The following ADCY2 variants were observed in gnomAD, a reference collection of about 807,000 sequenced individuals.
The protein encoded by ADCY2 is adenylate cyclase 2, also known as adenylate cyclase type 2.
A neutral mutation model predicts 125.2 loss-of-function variants in ADCY2; 31 were observed. That is an observed-to-expected ratio of 0.25 (90% CI 0.19 to 0.33). The LOEUF (loss-of-function observed/expected upper bound fraction) is 0.33. Among genes scored for constraint, ADCY2 ranks in the 10% least tolerant of loss-of-function variants. The pLI, the probability that ADCY2 is intolerant of heterozygous loss-of-function variation, is 1.00. For synonymous variants in ADCY2, 512 were observed against 548.4 expected (o/e 0.93, Z 0.93); for missense variants, 904 against 1,418.2 (o/e 0.64, Z 5.82).
At chr5:7,743,408 A>T (rs1375786697) in intron 14 of ADCY2, among the ~76,000 whole-genome samples, 2 of 151,520 alleles carry the variant, frequency 1.3e-5, no homozygotes, top group African/African-American at 4.9e-5. Flanking sequence ...ATTTAAAAAG[A>T]TTCTTTATCC....
chr5:7,442,929 G>A (rs1741068265), intron 2 of ADCY2, among the ~76,000 whole-genome samples: 2 of 152,096 alleles, frequency 1.3e-5, no homozygotes, highest in Admixed American at 1.3e-4. Flanking sequence ...ATGTTCTTAT[G>A]TAGTTGATGT....
chr5:7,462,640 T>G (rs771603515), intron 2 of ADCY2, among the ~76,000 whole-genome samples: 1 of 152,248 alleles, frequency 6.6e-6, no homozygotes, highest in Non-Finnish European at 1.5e-5. Context: ...CCTAAAGATT[T>G]GGAACTACCT....
In ADCY2 at chr5:7,802,387, G is replaced by C; in HGVS notation, c.2775+23G>C. On this transcript the variant is annotated intron_variant, in intron 21 of 24. Transcript: ENST00000338316. This position sits in a 1 kb window ranked among gnomAD's most constrained non-coding sequence, Gnocchi z 4.6. Reference sequence around the variant, plus strand: ...GATGTAGGTACTGAGAGTTGCCCTCGAAGGGCAGCAGTACACTCAGTCTCA... The same window carrying C: ...GATGTAGGTACTGAGAGTTGCCCTCCAAGGGCAGCAGTACACTCAGTCTCA... 2 of 1,611,414 alleles carry C rather than the reference G, an allele frequency of 1.2e-6. No individual in the cohort carries two copies. Among genetic ancestry groups the C allele is most frequent in the Non-Finnish European group, 1.7e-6 (2 of 1,178,398 alleles).
At chr5:7,712,771 G>A in intron 10 of ADCY2, 85 bp from the exon 11 acceptor site, 1 of 940,328 alleles carries the variant, frequency 1.1e-6, no homozygotes, top group Non-Finnish European at 1.7e-6. Context: ...CATGATAAAA[G>A]AGGAAATATG....
chr5:7,743,222 G>A (rs1742493470), intron 14 of ADCY2, among the ~76,000 whole-genome samples: 1 of 151,714 alleles, frequency 6.6e-6, no homozygotes, highest in African/African-American at 2.4e-5. Context: ...GGAGGGTGAG[G>A]ACTCAATGTC....
At chr5:7,643,210 A>G (rs1738772392) in intron 4 of ADCY2, among the ~76,000 whole-genome samples, 1 of 152,014 alleles carries the variant, frequency 6.6e-6, no homozygotes, top group Non-Finnish European at 1.5e-5. Context: ...TTTCTAAATA[A>G]TTTAAATGTC....
At chr5:7,454,343 G>A (rs966728213) in intron 2 of ADCY2, among the ~76,000 whole-genome samples, 1 of 152,148 alleles carries the variant, frequency 6.6e-6, no homozygotes, top group Admixed American at 6.5e-5. Flanking sequence ...TATATGCACT[G>A]GGAAACTAAA....
chr5:7,460,728 G>A (rs979910623), intron 2 of ADCY2, among the ~76,000 whole-genome samples: 1 of 152,154 alleles, frequency 6.6e-6, no homozygotes, highest in Admixed American at 6.5e-5. Flanking sequence ...GTGTCCACGA[G>A]TATGTATTTC....
chr5:7,750,650 AT>A (rs917727619), intron 15 of ADCY2, among the ~76,000 whole-genome samples: 1 of 151,536 alleles, frequency 6.6e-6, no homozygotes, highest in Admixed American at 6.6e-5. Flanking sequence ...ATTATTTATA[AT>A]TTTTTCTAAC....
At chr5:7,776,605 G>C (rs1308808140) in intron 18 of ADCY2, among the ~76,000 whole-genome samples, 3 of 152,130 alleles carry the variant, frequency 2.0e-5, no homozygotes, top group African/African-American at 7.2e-5. Flanking sequence ...TAGGTAGCTG[G>C]TAAAGTATTG....
chr5:7,668,324 G>A (rs1739825220), intron 4 of ADCY2, among the ~76,000 whole-genome samples: 1 of 152,190 alleles, frequency 6.6e-6, no homozygotes, highest in South Asian at 2.1e-4. Context: ...AAGGAAGAAG[G>A]AATTCTGCCT....
intron 15 of ADCY2, among the ~76,000 whole-genome samples, chr5:7,750,708 G>A (rs1335592253): frequency 2.6e-5 from 4 of 151,280 alleles, no homozygotes. Flanking sequence ...GTGGGAATGA[G>A]ATTAACTCTC....
intron 2 of ADCY2, among the ~76,000 whole-genome samples, chr5:7,492,570 C>T (rs141189145): frequency 3.3e-5 from 5 of 152,220 alleles, no homozygotes; most frequent in African/African-American, 1.2e-4. Context: ...ATTGAATCAT[C>T]GAGCTGCCAG....
intron 22 of ADCY2, among the ~76,000 whole-genome samples, chr5:7,811,458 G>A (rs920934657): frequency 1.1e-4 from 16 of 149,880 alleles, no homozygotes; most frequent in Non-Finnish European, 2.1e-4. Flanking sequence ...TCGAGATTCC[G>A]CCACTGCACT....
rs997170375 is a variant in ADCY2, at chr5:7,520,301, C to T, written c.409-437C>T. Among the ~76,000 whole-genome samples the T allele has an allele frequency of 2.4e-4, 37 of 152,292 alleles. 1 individual carries two copies. In the South Asian group the frequency reaches 5.6e-3, roughly 23 times the overall value. On this transcript the variant is annotated intron_variant, in intron 2 of 24. Coordinates refer to ENST00000338316, the MANE Select transcript of ADCY2 (RefSeq NM_020546.3). Reference sequence around the variant, plus strand: ...CTCTCGGCATCTGCTTTCACTAACTCCCCTTGATGACACCTGCCCCTCCTC... The same window carrying T: ...CTCTCGGCATCTGCTTTCACTAACTTCCCTTGATGACACCTGCCCCTCCTC...
At chr5:7,422,833 GAAAAT>G (rs1473360354) in intron 2 of ADCY2, among the ~76,000 whole-genome samples, 1 of 152,134 alleles carries the variant, frequency 6.6e-6, no homozygotes, top group Non-Finnish European at 1.5e-5. Flanking sequence ...GAAAATGAAA[GAAAAT>G]AAAGGCCTCT....
chr5:7,487,487 C>A (rs965888714), intron 2 of ADCY2, among the ~76,000 whole-genome samples: 2 of 152,204 alleles, frequency 1.3e-5, no homozygotes, highest in Non-Finnish European at 2.9e-5. Flanking sequence ...TGTCTAGAAG[C>A]TTTGTGAAGG....
intron 2 of ADCY2, among the ~76,000 whole-genome samples, chr5:7,516,742 C>T (rs774388942): frequency 3.3e-5 from 5 of 152,056 alleles, no homozygotes; most frequent in Non-Finnish European, 5.9e-5. Context: ...GGAATGGACA[C>T]GAAGGAGGAA....
intron 2 of ADCY2, among the ~76,000 whole-genome samples, chr5:7,417,542 G>A (rs1365539511): frequency 1.3e-5 from 2 of 152,184 alleles, no homozygotes; most frequent in South Asian, 4.1e-4. Context: ...ATGGGAACAT[G>A]GAAGATTCCA....
Sources: gnomAD v4.1 joint callset for allele counts (sites outside exome capture counted in the v4.1 genomes callset) on GRCh38, gnomAD v4.1.1 for gene constraint, Gnocchi (gnomAD v3.1) non-coding constraint, MANE v1.5 for transcripts, NCBI Gene and HGNC (gene_info 2026-07-23, HGNC 2026-07-21) for gene names.